Variants in BLK observed in about 807,000 individuals in gnomAD.
BLK encodes the protein BLK proto-oncogene, Src family tyrosine kinase, also known as tyrosine-protein kinase Blk.
In BLK, 64 loss-of-function variants were observed where a neutral mutation model predicts 61.8. The observed-to-expected ratio is 1.03, with a 90% CI of 0.85 to 1.27. BLK has a LOEUF of 1.27. Among genes scored for constraint, BLK ranks in the 50% most tolerant of loss-of-function variants. The pLI, the probability that BLK is intolerant of heterozygous loss-of-function variation, is 0.00. For synonymous variants in BLK, 351 were observed against 272.0 expected (o/e 1.29, Z -2.86); for missense variants, 853 against 660.5 (o/e 1.29, Z -3.19).
Position 11,546,068 on chromosome 8 carries a change from T to G in BLK, c.140T>G (p.Leu47Arg). 2 of 1,614,144 alleles carry G rather than the reference T, an allele frequency of 1.2e-6. No homozygotes were observed. The highest frequency in any genetic ancestry group is 1.7e-6 in the Non-Finnish European group (2 of 1,180,016). Residue 47 changes from leucine (L) to arginine (R), a missense_variant, in exon 3 of 13, where the codon CTT becomes CGT. Leu to Arg is a moderately radical substitution (Grantham distance 102). Coordinates refer to ENST00000259089, the MANE Select transcript of BLK (RefSeq NM_001715.3). ...PLPPLVVFNH[L>R]TPPPPDEHLD... is the part of the protein sequence containing the mutation. ...CTACCCAAGGTTGTCTTCAACCACC[T>G]TACTCCTCCACCGCCCGATGAACAC...
chr8:11,496,781 C>T (rs1415041721), intron 1 of BLK, among the ~76,000 whole-genome samples: 1 of 152,224 alleles, frequency 6.6e-6, no homozygotes, highest in Non-Finnish European at 1.5e-5. Context: ...CCTCTGGGCT[C>T]AACCACCCCA....
chr8:11,522,571 G>C (rs145371162), intron 1 of BLK, among the ~76,000 whole-genome samples: 180 of 151,938 alleles, frequency 1.2e-3, no homozygotes, highest in African/African-American at 4.2e-3. Flanking sequence ...AACAGGGAAT[G>C]TATGAGGTTG....
chr8:11,541,227 C>T (rs1173985297), intron 1 of BLK, among the ~76,000 whole-genome samples: 6 of 152,098 alleles, frequency 3.9e-5, no homozygotes, highest in Middle Eastern at 3.2e-3. Flanking sequence ...AAGATTAGGT[C>T]GTGGGACTCC....
intron 10 of BLK, chr8:11,559,047 C>T: frequency 4.4e-6 from 2 of 455,012 alleles, no homozygotes; most frequent in Non-Finnish European, 8.8e-6. Context: ...GATAAGCCTG[C>T]CCACTGCTGC....
rs1232639338 is a variant in BLK at position 11,505,023 on chromosome 8, G to C, written c.-2+10432G>C. Among the ~76,000 whole-genome samples the C allele has an allele frequency of 3.3e-5, 5 of 151,956 alleles. No homozygotes were observed. In the East Asian group the frequency reaches 5.8e-4, roughly 18 times the overall value. ...ACACATACACATAAGAATACACACA[G>C]AAACACACAGACACCCACACATATA... On this transcript the variant is annotated intron_variant, in intron 1 of 12. Coordinates refer to ENST00000259089, the MANE Select transcript of BLK (RefSeq NM_001715.3).
At chr8:11,552,537 C>T (rs532556677) in intron 6 of BLK, 1 of 152,252 alleles carries the variant, frequency 6.6e-6, no homozygotes, top group African/African-American at 2.4e-5. Flanking sequence ...CAAACATACA[C>T]AGAAGTAGAG....
intron 1 of BLK, among the ~76,000 whole-genome samples, chr8:11,515,018 T>G (rs1233526823): frequency 6.6e-6 from 1 of 152,090 alleles, no homozygotes; most frequent in East Asian, 1.9e-4. Flanking sequence ...CCCCTCCACA[T>G]TCCCCGACAA....
intron 1 of BLK, among the ~76,000 whole-genome samples, chr8:11,523,497 G>A (rs537531726): frequency 1.3e-5 from 2 of 152,258 alleles, no homozygotes; most frequent in South Asian, 2.1e-4. Flanking sequence ...AGATTGCAGT[G>A]AGCTGCGATG....
Position 11,562,961 on chromosome 8 carries a change from G to A in BLK, c.1181-18G>A. On this transcript the variant is annotated intron_variant, in intron 11 of 12. Transcript: ENST00000259089. ...CACCGGCCGTGGCCTCCCAAAGCTTGCATGGCTTTTCCCACAGGGGCCAAG... is the reference window on the plus strand; with the variant it reads ...CACCGGCCGTGGCCTCCCAAAGCTTACATGGCTTTTCCCACAGGGGCCAAG... The A allele has an allele frequency of 6.2e-7, 1 of 1,613,932 alleles. No homozygotes were observed.
intron 1 of BLK, among the ~76,000 whole-genome samples, chr8:11,511,376 T>G (rs184442117): frequency 1.3e-5 from 2 of 152,002 alleles, no homozygotes; most frequent in Non-Finnish European, 2.9e-5. Flanking sequence ...CACACCAACA[T>G]GGCACATGTA....
At chr8:11,514,936 C>A (rs1424737120) in intron 1 of BLK, among the ~76,000 whole-genome samples, 6 of 152,116 alleles carry the variant, frequency 3.9e-5, no homozygotes, top group Non-Finnish European at 8.8e-5. Context: ...GACCTCAGCC[C>A]CCTCCCCTTC....
chr8:11,542,515 A>T (rs1187891681), intron 1 of BLK, among the ~76,000 whole-genome samples: 1 of 152,180 alleles, frequency 6.6e-6, no homozygotes, highest in Non-Finnish European at 1.5e-5. Flanking sequence ...TCCTTAACAT[A>T]TAAATAGCAG....
intron 1 of BLK, among the ~76,000 whole-genome samples, chr8:11,524,597 T>C (rs1405484579): frequency 6.6e-6 from 1 of 152,206 alleles, no homozygotes; most frequent in Non-Finnish European, 1.5e-5. Flanking sequence ...ATGTATGCTC[T>C]TGAGCGTGGG....
rs2117548415 is a variant in BLK at position 11,555,354 on chromosome 8, G to C, written c.642G>C (p.Gln214His). 1.9e-6 allele frequency: 3 copies of C among 1,614,134 alleles called. No individual in the cohort carries two copies. Among genetic ancestry groups the C allele is most frequent in the Middle Eastern group, 1.6e-4 (1 of 6,062 alleles). Residue 214 changes from glutamine (Q) to histidine (H), a missense_variant, in exon 8 of 13, where the codon CAG (glutamine) becomes CAC (histidine). Physicochemically the swap from Gln to His is conservative, Grantham distance 24. Transcript: ENST00000259089. ...HYSKKGDGLC[Q>H]RLTLPCVRPA... ...CAGAGAAGGGGGATGGTCTATGCCA[G>C]AGGCTGACCCTGCCCTGTGTGCGCC...
chr8:11,557,729 C>T (rs531009566), intron 9 of BLK, among the ~76,000 whole-genome samples: 3 of 152,316 alleles, frequency 2.0e-5, no homozygotes, highest in Non-Finnish European at 4.4e-5. Flanking sequence ...TGAAACCTAA[C>T]TTCTGGGCAA....
chr8:11,536,154 G>C (rs996352699), intron 1 of BLK, among the ~76,000 whole-genome samples: 1 of 152,224 alleles, frequency 6.6e-6, no homozygotes, highest in East Asian at 1.9e-4. Context: ...TGTTAGATGT[G>C]ATGAAGTAAC....
chr8:11,531,315 G>A (rs1279004727), intron 1 of BLK, among the ~76,000 whole-genome samples: 1 of 152,036 alleles, frequency 6.6e-6, no homozygotes, highest in Non-Finnish European at 1.5e-5. Flanking sequence ...ATTTTGAAAA[G>A]TCTAATTTAT....
chr8:11,523,426 G>A (rs930254959), intron 1 of BLK, among the ~76,000 whole-genome samples: 38 of 152,010 alleles, frequency 2.5e-4, no homozygotes, highest in African/African-American at 7.7e-4. Context: ...GGTGGTGGGC[G>A]CCTGTAGTCC....
chr8:11,534,036 T>A (rs965086379), intron 1 of BLK, among the ~76,000 whole-genome samples: 2 of 152,204 alleles, frequency 1.3e-5, no homozygotes, highest in Non-Finnish European at 2.9e-5. Flanking sequence ...GTGGAGCTCA[T>A]GACCTGCCTG....
Sources: allele counts gnomAD v4.1 joint callset (sites outside exome capture counted in the v4.1 genomes callset), GRCh38; gene constraint gnomAD v4.1.1; transcripts MANE v1.5; gene names NCBI Gene and HGNC (gene_info 2026-07-23, HGNC 2026-07-21).